Variants in RNF169 observed in about 807,000 individuals in gnomAD.
The protein encoded by RNF169 is E3 ubiquitin-protein ligase RNF169.
A neutral mutation model predicts 53.9 loss-of-function variants in RNF169; 24 were observed. The observed-to-expected ratio is 0.45, with a 90% confidence interval of 0.32 to 0.63. The LOEUF is 0.63. Among genes scored for constraint, RNF169 ranks in the 20% least tolerant of loss-of-function variants. The probability of loss-of-function intolerance (pLI) is 0.04; values close to 1 mark genes in which losing one functional copy is unlikely to be tolerated. For missense variants in RNF169, 883 were observed against 906.2 expected (o/e 0.97, Z 0.33); for synonymous variants, 396 against 363.5 (o/e 1.09, Z -1.02).
chr11:74,813,368 A>AT (rs1591422258), intron 3 of RNF169, among the ~76,000 whole-genome samples: 2 of 152,136 alleles, frequency 1.3e-5, no homozygotes, highest in East Asian at 1.9e-4. Context: ...ATCATCTGTT[A>AT]TTTTTTTAGA....
At chr11:74,772,172 G>T (rs2035269459) in intron 1 of RNF169, among the ~76,000 whole-genome samples, 1 of 129,506 alleles carries the variant, frequency 7.7e-6, no homozygotes, top group African/African-American at 3.8e-5. Context: ...GGGAAAAATT[G>T]GTCTTTTTTA....
intron 1 of RNF169, among the ~76,000 whole-genome samples, chr11:74,768,901 G>A: frequency 6.6e-6 from 1 of 151,968 alleles, no homozygotes; most frequent in East Asian, 1.9e-4. Flanking sequence ...TAAAAATTTA[G>A]GCAGGCATGG....
intron 1 of RNF169, among the ~76,000 whole-genome samples, chr11:74,771,538 C>T (rs932012807): frequency 4.9e-5 from 7 of 142,378 alleles, no homozygotes; most frequent in African/African-American, 1.9e-4. Context: ...ACCCTTGTCT[C>T]TACAAAAGTA....
At chr11:74,799,527 C>T (rs938147069) in intron 2 of RNF169, among the ~76,000 whole-genome samples, 2 of 152,076 alleles carry the variant, frequency 1.3e-5, no homozygotes, top group South Asian at 2.1e-4. Context: ...TGTTTTTCCT[C>T]GTCTTATTGT....
At chr11:74,797,203 A>G (rs2035661885) in intron 2 of RNF169, among the ~76,000 whole-genome samples, 2 of 152,214 alleles carry the variant, frequency 1.3e-5, no homozygotes, top group Non-Finnish European at 2.9e-5. Flanking sequence ...AAAGGTAAGT[A>G]AACTTTTAGG....
chr11:74,795,152 C>T (rs1008304105), intron 2 of RNF169, among the ~76,000 whole-genome samples: 3 of 150,300 alleles, frequency 2.0e-5, no homozygotes, highest in African/African-American at 7.4e-5. Flanking sequence ...TGGTGACTTC[C>T]TTTTTCCACT....
At chr11:74,824,718 G>C (rs557194615) in intron 4 of RNF169, among the ~76,000 whole-genome samples, 2 of 152,346 alleles carry the variant, frequency 1.3e-5, no homozygotes, top group Non-Finnish European at 2.9e-5. Context: ...TTGGAAAAAT[G>C]ATGCTGATAG....
intron 4 of RNF169, among the ~76,000 whole-genome samples, chr11:74,826,577 C>T (rs1448868817): frequency 6.6e-6 from 1 of 152,204 alleles, no homozygotes; most frequent in African/African-American, 2.4e-5. Context: ...AACAGCCCCC[C>T]AAAGTCTCAT....
intron 4 of RNF169, among the ~76,000 whole-genome samples, chr11:74,818,240 G>A (rs1332198966): frequency 6.6e-6 from 1 of 152,060 alleles, no homozygotes; most frequent in Admixed American, 6.6e-5. Flanking sequence ...TGAAGGGCTA[G>A]GTGGAGGAAA....
rs1212108872 is a variant in RNF169 at position 74,841,547 on chromosome 11, TACTC to T, written c.*4818_*4821del. The T allele has an allele frequency of 1.3e-5, 2 of 152,216 alleles. No homozygotes were observed. The highest frequency in any genetic ancestry group is 2.9e-5 in the Non-Finnish European group (2 of 68,042). The allele number at this position is 152,216 out of a possible 1,614,324, so 9.4% of individuals were successfully genotyped here. A position where few individuals can be genotyped will look rare whatever the true frequency, so the allele number is the denominator to read the frequency against. ...TTTTTTTCCTCTTAAGAAAAAAATT[TACTC>T]TCTCTCCTTTGTGAGTAAATGCCTC... On this transcript the variant is annotated 3_prime_UTR_variant, in exon 6 of 6. Transcript: ENST00000299563.
At chr11:74,801,849 A>T (rs1165323559) in intron 2 of RNF169, among the ~76,000 whole-genome samples, 1 of 152,252 alleles carries the variant, frequency 6.6e-6, no homozygotes, top group African/African-American at 2.4e-5. Flanking sequence ...TACGTTAAAA[A>T]TTAACTTAAA....
intron 2 of RNF169, among the ~76,000 whole-genome samples, chr11:74,796,227 T>A (rs182842728): frequency 2.0e-4 from 31 of 152,322 alleles, no homozygotes; most frequent in Admixed American, 2.0e-3. Flanking sequence ...TATATATTTA[T>A]TCTATTAAAA....
intron 2 of RNF169, among the ~76,000 whole-genome samples, chr11:74,793,613 AG>A (rs1422420243): frequency 6.6e-6 from 1 of 152,230 alleles, no homozygotes; most frequent in African/African-American, 2.4e-5. Flanking sequence ...ACCAAGACTG[AG>A]GGGCCTACTA....
chr11:74,827,517 C>T (rs2036116293), intron 4 of RNF169, among the ~76,000 whole-genome samples: 1 of 152,198 alleles, frequency 6.6e-6, no homozygotes, highest in African/African-American at 2.4e-5. Context: ...CTCCGTCAGA[C>T]TGGAAATTTT....
At chr11:74,789,787 T>TA in intron 2 of RNF169, 88 bp downstream of exon 2, 1 of 825,690 alleles carries the variant, frequency 1.2e-6, no homozygotes, top group Non-Finnish European at 2.0e-6. Flanking sequence ...GACCAGGTTT[T>TA]AAAAAATTTA....
chr11:74,751,611 GAAA>G (rs2034896428), intron 1 of RNF169, among the ~76,000 whole-genome samples: 1 of 152,176 alleles, frequency 6.6e-6, no homozygotes, highest in African/African-American at 2.4e-5. Flanking sequence ...GTGATTAAGG[GAAA>G]TTATCTAAAA....
chr11:74,811,066 T>G (rs2035868400), intron 3 of RNF169, among the ~76,000 whole-genome samples: 1 of 152,164 alleles, frequency 6.6e-6, no homozygotes. Context: ...TCAGGTTGTC[T>G]TTCTGGTCAG....
In RNF169 at chr11:74,769,449, A is replaced by C. The variant is rs572049022; in HGVS notation, c.502+20067A>C. ...CCATATCTAGTAAGGTTGAAGAGAT[A>C]GATTCCTTGCTATGCAGAGATTCCA... On this transcript the variant is annotated intron_variant, in intron 1 of 5. Transcript: ENST00000299563. 2.0e-5 allele frequency among the ~76,000 whole-genome samples: 3 copies of C among 152,352 alleles called. No individual in the cohort carries two copies. The East Asian group carries it at 5.8e-4, about 29-fold the overall frequency.
At chr11:74,803,332 G>A (rs970233559) in intron 2 of RNF169, among the ~76,000 whole-genome samples, 1 of 152,110 alleles carries the variant, frequency 6.6e-6, no homozygotes, top group African/African-American at 2.4e-5. Context: ...TGATCTGCCT[G>A]CCTCGGCCTC....
Sources: allele counts gnomAD v4.1 joint callset (sites outside exome capture counted in the v4.1 genomes callset), GRCh38; gene constraint gnomAD v4.1.1; transcripts MANE v1.5; gene names NCBI Gene and HGNC (gene_info 2026-07-23, HGNC 2026-07-21).